SPOCK3: variants seen among roughly 807,000 people sequenced by gnomAD.
SPOCK3 encodes testican-3.
Under a neutral mutation model 56.6 loss-of-function variants are expected in SPOCK3, and 30 were observed. The ratio of observed to expected loss-of-function variants is 0.53; its 90% CI spans 0.40 to 0.72. SPOCK3 has a LOEUF of 0.72. SPOCK3 is among the 30% of genes least tolerant of loss of function. The probability of loss-of-function intolerance (pLI) is 0.00; values close to 1 mark genes in which losing one functional copy is unlikely to be tolerated. For missense variants in SPOCK3, 527 were observed against 530.0 expected (o/e 0.99, Z 0.06); for synonymous variants, 196 against 183.3 (o/e 1.07, Z -0.56).
At chr4:166,899,758 G>A (rs539347383) in intron 5 of SPOCK3, among the ~76,000 whole-genome samples, 13 of 151,952 alleles carry the variant, frequency 8.6e-5, no homozygotes, top group Admixed American at 1.3e-4. Context: ...CTCATGACCC[G>A]CCTGCCTCAG....
chr4:166,935,071 T>C (rs888587323), intron 4 of SPOCK3, among the ~76,000 whole-genome samples: 3 of 151,982 alleles, frequency 2.0e-5, no homozygotes, highest in African/African-American at 7.3e-5. Context: ...GCAAGGAGTA[T>C]AAATAGTAGA....
intron 7 of SPOCK3, among the ~76,000 whole-genome samples, chr4:166,770,173 G>A (rs971765801): frequency 6.6e-6 from 1 of 152,052 alleles, no homozygotes; most frequent in Non-Finnish European, 1.5e-5. Flanking sequence ...AGCTCACACT[G>A]GTGGGCTGCA....
chr4:167,178,841 T>G (rs1435270980), intron 2 of SPOCK3, among the ~76,000 whole-genome samples: 1 of 152,112 alleles, frequency 6.6e-6, no homozygotes, highest in Non-Finnish European at 1.5e-5. Flanking sequence ...ATAAAATACA[T>G]GGTATTATAA....
At chr4:166,765,561 C>A (rs1737895429) in intron 7 of SPOCK3, among the ~76,000 whole-genome samples, 1 of 152,232 alleles carries the variant, frequency 6.6e-6, no homozygotes, top group South Asian at 2.1e-4. Context: ...TGTTTTGGTA[C>A]CAGTACCATG....
At chr4:167,002,418 A>G in intron 3 of SPOCK3, among the ~76,000 whole-genome samples, 1 of 152,172 alleles carries the variant, frequency 6.6e-6, no homozygotes, top group East Asian at 1.9e-4. Flanking sequence ...CATTGGTGAC[A>G]TTTTAACTAA....
At chr4:166,956,953 C>T (rs1392485915) in intron 4 of SPOCK3, among the ~76,000 whole-genome samples, 2 of 152,158 alleles carry the variant, frequency 1.3e-5, no homozygotes, top group Non-Finnish European at 2.9e-5. Flanking sequence ...TGCAGTTGTA[C>T]ATGTTTAAAA....
At chr4:167,040,667 G>A (rs552992743) in intron 3 of SPOCK3, among the ~76,000 whole-genome samples, 1 of 152,192 alleles carries the variant, frequency 6.6e-6, no homozygotes, top group Non-Finnish European at 1.5e-5. Flanking sequence ...AGTGAAAATA[G>A]TGAAAAATCA....
At chr4:166,887,182 G>A (rs1486307402) in intron 6 of SPOCK3, among the ~76,000 whole-genome samples, 2 of 152,092 alleles carry the variant, frequency 1.3e-5, no homozygotes, top group African/African-American at 4.8e-5. Context: ...CATCTTTAAT[G>A]CACATAGAGT....
At chr4:166,914,983 A>G (rs1005261405) in intron 4 of SPOCK3, among the ~76,000 whole-genome samples, 18 of 152,084 alleles carry the variant, frequency 1.2e-4, no homozygotes, top group African/African-American at 3.9e-4. Context: ...GAGTGTATCA[A>G]TAAAAATGGT....
rs552511416 is a variant in SPOCK3 at position 167,141,857 on chromosome 4, C to A, written c.190-79320G>T. The stretch of plus-strand genomic sequence containing the variant: ...TAAAAGGGCTACCTAGAACCCAGCA[C>A]AACAGATTGAAAACTCTAAGACAAA... On this transcript the variant is annotated intron_variant, in intron 2 of 10. Coordinates refer to ENST00000357545, the MANE Select transcript of SPOCK3 (RefSeq NM_001040159.2). Among the ~76,000 whole-genome samples the A allele has an allele frequency of 4.6e-5, 7 of 151,926 alleles. 1 individual carries two copies. The highest frequency in any genetic ancestry group is 1.4e-4 in the African/African-American group (6 of 41,466).
intron 4 of SPOCK3, among the ~76,000 whole-genome samples, chr4:166,974,222 T>G (rs915274876): frequency 6.6e-6 from 1 of 152,152 alleles, no homozygotes; most frequent in South Asian, 2.1e-4. Flanking sequence ...TACCTCATCA[T>G]GCAAAATCCT....
chr4:167,210,516 C>T (rs1304840971), intron 2 of SPOCK3, among the ~76,000 whole-genome samples: 1 of 152,006 alleles, frequency 6.6e-6, no homozygotes, highest in Non-Finnish European at 1.5e-5. Flanking sequence ...GAGGTCTTTT[C>T]CTCTTTACTG....
At chr4:167,222,670 GATAT>G (rs954265354) in intron 2 of SPOCK3, among the ~76,000 whole-genome samples, 7 of 130,468 alleles carry the variant, frequency 5.4e-5, no homozygotes, top group Admixed American at 8.1e-5. Flanking sequence ...TATAAACATA[GATAT>G]ATATTTATAT....
At chr4:166,805,195 A>T (rs1743030073) in intron 6 of SPOCK3, among the ~76,000 whole-genome samples, 3 of 152,108 alleles carry the variant, frequency 2.0e-5, no homozygotes, top group Admixed American at 2.0e-4. Context: ...TTCACAATAG[A>T]AGTACACTGA....
At chr4:167,050,825 T>C (rs1754131559) in intron 3 of SPOCK3, among the ~76,000 whole-genome samples, 1 of 152,132 alleles carries the variant, frequency 6.6e-6, no homozygotes. Context: ...ATTCCACTTA[T>C]AGGAGATGTC....
At chr4:166,885,174 CT>C (rs1342445187) in intron 6 of SPOCK3, among the ~76,000 whole-genome samples, 2 of 150,924 alleles carry the variant, frequency 1.3e-5, no homozygotes, top group Non-Finnish European at 2.9e-5. Context: ...GATTTAAAGC[CT>C]TGTGAATTTC....
intron 2 of SPOCK3, among the ~76,000 whole-genome samples, chr4:167,123,649 T>C (rs367808716): frequency 2.0e-5 from 3 of 152,022 alleles, no homozygotes. Context: ...AATTAACACA[T>C]GGCGTGTCTG....
At chr4:166,907,266 G>T (rs1448053690) in intron 5 of SPOCK3, among the ~76,000 whole-genome samples, 1 of 151,976 alleles carries the variant, frequency 6.6e-6, no homozygotes, top group Non-Finnish European at 1.5e-5. Context: ...ACTGATCAGA[G>T]CATTAGGAAA....
rs558074420 is a variant in SPOCK3 at position 166,753,847 on chromosome 4, A to G, written c.931+661T>C. 2.3e-3 allele frequency among the ~76,000 whole-genome samples: 343 copies of G among 152,128 alleles called. 2 individuals are homozygous for G. Among genetic ancestry groups the G allele is most frequent in the African/African-American group, 7.9e-3 (330 of 41,538 alleles). ...CTATTCATATTTAATATAAATTATC[A>G]TTCAATTGATTCCATAAGCCTGATT... is the stretch of plus-strand genomic sequence containing the variant. On this transcript the variant is annotated intron_variant, in intron 8 of 10. Coordinates refer to ENST00000357545, the MANE Select transcript of SPOCK3 (RefSeq NM_001040159.2).
Sources: gnomAD v4.1 joint callset for allele counts (sites outside exome capture counted in the v4.1 genomes callset) on GRCh38, gnomAD v4.1.1 for gene constraint, MANE v1.5 for transcripts, NCBI Gene and HGNC (gene_info 2026-07-23, HGNC 2026-07-21) for gene names.